The following SLC12A4 variants were observed in gnomAD, a reference collection of about 807,000 sequenced individuals.
SLC12A4 encodes the protein electroneutral potassium-chloride cotransporter 1.
A neutral mutation model predicts 119.2 loss-of-function variants in SLC12A4; 84 were observed. That is an observed-to-expected ratio of 0.70 (90% CI 0.59 to 0.85). The LOEUF (loss-of-function observed/expected upper bound fraction) is 0.85. Ranked by LOEUF, SLC12A4 falls within the 40% of genes least tolerant of loss-of-function variation. The probability of loss-of-function intolerance (pLI) is 0.00; values close to 1 mark genes in which losing one functional copy is unlikely to be tolerated. For missense variants in SLC12A4, 1,298 were observed against 1,476.3 expected, an observed-to-expected ratio of 0.88 and a Z score of 1.98; for synonymous variants, 599 against 604.6, an observed-to-expected ratio of 0.99 and a Z score of 0.14.
rs757941591 is a variant in SLC12A4 at position 67,951,343 on chromosome 16, A to C, written c.1133-39T>G. ...TGTGTCACCACCACAGCTGCCCCCC[A>C]CTACCCCAGGTAGTTTGGGGCAGCC... On this transcript the variant is annotated intron_variant, in intron 8 of 23. Coordinates refer to ENST00000316341, the MANE Select transcript of SLC12A4 (RefSeq NM_005072.5). The surrounding 1 kb of genome is among the most constrained non-coding windows in gnomAD (Gnocchi z 5.2). 1 of 1,592,922 alleles carries C rather than the reference A, an allele frequency of 6.3e-7. No individual in the cohort carries two copies. Among genetic ancestry groups the C allele is most frequent in the African/African-American group, 1.3e-5 (1 of 74,392 alleles).
rs200452593 is a variant in SLC12A4 at position 67,949,908 on chromosome 16, T to A, written c.1640A>T (p.His547Leu). Reference sequence around the variant, plus strand: ...TGTGGGTTCACCATTCACCTTCCCGTGGCCAAACACCTGTGTGCACCAGGA... The same window carrying A: ...TGTGGGTTCACCATTCACCTTCCCGAGGCCAAACACCTGTGTGCACCAGGA... ...NIIPFLRVFGHGKVNGEPTWA... is the reference protein window; with the variant it reads ...NIIPFLRVFGLGKVNGEPTWA... The change falls in exon 13 of 24, where the codon CAC becomes CTC. Residue 547 changes from histidine to leucine, a missense_variant. By Grantham distance (99) the His-to-Leu change is moderately conservative. Transcript: ENST00000316341. The surrounding 1 kb of genome is among the most constrained non-coding windows in gnomAD (Gnocchi z 4.6). 3 of 1,611,860 alleles carry A rather than the reference T, an allele frequency of 1.9e-6. No homozygotes were observed. Among genetic ancestry groups the A allele is most frequent in the Non-Finnish European group, 2.5e-6 (3 of 1,178,606 alleles).
chr16:67,948,136 A>G lies in SLC12A4; in HGVS notation c.1772T>C (p.Phe591Ser). The G allele has an allele frequency of 6.2e-7, 1 of 1,613,264 alleles. No individual in the cohort carries two copies. ...LSMFFLMCYL[F>S]VNLACAVQTL... ...CTGCACCGCACAGGCGAGGTTCACG[A>G]ACAGGTAGCACATCAGAAAGAACCT... The change falls in exon 14 of 24, where the codon TTC (phenylalanine) becomes TCC (serine). Residue 591 changes from phenylalanine (F) to serine (S), a missense_variant. Transcript: ENST00000316341.
chr16:67,950,211 G>T lies in SLC12A4; in HGVS notation c.1629+108C>A. 1 of 1,326,904 alleles carries T rather than the reference G, an allele frequency of 7.5e-7. No homozygotes were observed. The highest frequency in any genetic ancestry group is 1.0e-6 in the Non-Finnish European group (1 of 971,364). The allele number at this position is 1,326,904 out of a possible 1,614,324, so 82.2% of individuals were successfully genotyped here. A position where few individuals can be genotyped will look rare whatever the true frequency, so the allele number is the denominator to read the frequency against. On this transcript the variant is annotated intron_variant, in intron 12 of 23. Transcript: ENST00000316341. This position sits in a 1 kb window ranked among gnomAD's most constrained non-coding sequence, Gnocchi z 4.3. The stretch of plus-strand genomic sequence containing the variant: ...TCCTCATGGATGGCCGCCTGGCCCC[G>T]GGGGCCAATAAGGGCAGGACGTGCT...
chr16:67,946,649 C>G lies in SLC12A4; in HGVS notation c.2242-16G>C. 1 of 1,598,920 alleles carries G rather than the reference C, an allele frequency of 6.3e-7. No individual in the cohort carries two copies. The highest frequency in any genetic ancestry group is 8.6e-7 in the Non-Finnish European group (1 of 1,169,282). On this transcript the variant is annotated splice_polypyrimidine_tract_variant and intron_variant, in intron 17 of 23. Coordinates refer to ENST00000316341, the MANE Select transcript of SLC12A4 (RefSeq NM_005072.5). ...TCTTGATGGTCTGTGGGGAACACAC[C>G]CAGGGCCAATGGGAGGCCATCAGCT...
Position 67,952,421 on chromosome 16 carries a change from T to G in SLC12A4, c.680A>C (p.Tyr227Ser), listed in dbSNP as rs1275133574. The change falls in exon 7 of 24, where the codon TAC becomes TCC. Residue 227 changes from tyrosine (Y) to serine (S), a missense_variant. Physicochemically the swap from Tyr to Ser is moderately radical, Grantham distance 144. Transcript: ENST00000316341. ...ILGAIEILLTYIAPPAAIFYP... is the reference protein window; with the variant it reads ...ILGAIEILLTSIAPPAAIFYP... ...AAAAATGGCAGCTGGTGGGGCAATG[T>G]AGGTCTGAAACAAGAAGATGGATAA... is the stretch of plus-strand genomic sequence containing the variant. The G allele has an allele frequency of 6.2e-7, 1 of 1,614,086 alleles. No homozygotes were observed. The highest frequency in any genetic ancestry group is 1.1e-5 in the South Asian group (1 of 91,090).
chr16:67,953,577 A>G, intron 6 of SLC12A4, among the ~76,000 whole-genome samples: 1 of 152,206 alleles, frequency 6.6e-6, no homozygotes, highest in East Asian at 1.9e-4. Flanking sequence ...TCTTGGGATG[A>G]TGAAAATGTT....
At chr16:67,954,345 G>A in intron 6 of SLC12A4, 1 of 431,098 alleles carries the variant, frequency 2.3e-6, no homozygotes, top group South Asian at 2.4e-5. Flanking sequence ...ATCTGTCACT[G>A]AGCTGAATAC....
In SLC12A4 at chr16:67,943,994, G is replaced by A; in HGVS notation, c.*846C>T. 4 of 1,548,582 alleles carry A rather than the reference G, an allele frequency of 2.6e-6. No individual in the cohort carries two copies. Among genetic ancestry groups the A allele is most frequent in the Non-Finnish European group, 3.5e-6 (4 of 1,145,828 alleles). On this transcript the variant is annotated 3_prime_UTR_variant, in exon 24 of 24. Coordinates refer to ENST00000316341, the MANE Select transcript of SLC12A4 (RefSeq NM_005072.5). This position sits in a 1 kb window ranked among gnomAD's most constrained non-coding sequence, Gnocchi z 4.6. Reference sequence around the variant, plus strand: ...GGTTACTGAGCTCAGCCTTGGGCGTGGTGTGCGGGGGGAAGAGCACATTGA... The same window carrying A: ...GGTTACTGAGCTCAGCCTTGGGCGTAGTGTGCGGGGGGAAGAGCACATTGA...
chr16:67,946,795 TC>T, intron 17 of SLC12A4, 141 bp downstream of exon 17: 2 of 1,230,978 alleles, frequency 1.6e-6, no homozygotes, highest in Non-Finnish European at 1.1e-6. Context: ...GACTGCTGGC[TC>T]CCCCTTGTGC....
intron 5 of SLC12A4, chr16:67,957,418 C>CGTA: frequency 3.3e-5 from 9 of 275,782 alleles, no homozygotes; most frequent in Non-Finnish European, 5.7e-5. Flanking sequence ...ATCCACCCAC[C>CGTA]TCGGCCTCCC....
intron 15 of SLC12A4, 22 bp from the exon 16 acceptor site, chr16:67,947,457 G>A (rs1203549804): frequency 1.9e-6 from 3 of 1,606,526 alleles, no homozygotes; most frequent in Non-Finnish European, 2.6e-6. Context: ...ACCACAGCTG[G>A]TGAGCCCCTG....
At chr16:67,961,431 G>T in intron 3 of SLC12A4, 144 bp downstream of exon 3, 3 of 1,228,580 alleles carry the variant, frequency 2.4e-6, no homozygotes, top group Non-Finnish European at 3.4e-6. Flanking sequence ...CTGAGACAAG[G>T]CATTCAGTGC....
chr16:67,945,013 C>G (rs930249881), intron 23 of SLC12A4, 74 bp downstream of exon 23: 3 of 1,603,198 alleles, frequency 1.9e-6, no homozygotes, highest in East Asian at 4.5e-5. Flanking sequence ...CCAGGGGTGC[C>G]CAGGAGAGAA....
At chr16:67,945,667 T>C in intron 21 of SLC12A4, 97 bp downstream of exon 21, 1 of 1,496,550 alleles carries the variant, frequency 6.7e-7, no homozygotes, top group Non-Finnish European at 9.1e-7. Flanking sequence ...TGGGTAGGGC[T>C]GCGGTGAGTC....
Position 67,944,849 on chromosome 16 carries a change from G to A in SLC12A4, c.3249C>T (p.Ile1083=). The change falls in exon 24 of 24, where the codon ATC becomes ATT. Residue 1083 remains isoleucine, a synonymous_variant. Transcript: ENST00000316341. This position sits in a 1 kb window ranked among gnomAD's most constrained non-coding sequence, Gnocchi z 6.6. ...VRGGGREVIT[I]YS The stretch of plus-strand genomic sequence containing the variant: ...CAAGATGACACTGGGCTCAGGAGTA[G>A]ATGGTGATGACTTCACGGCCACCAC... 2 of 1,613,140 alleles carry A rather than the reference G, an allele frequency of 1.2e-6. No individual in the cohort carries two copies. The highest frequency in any genetic ancestry group is 3.3e-4 in the Middle Eastern group (2 of 6,062).
rs766645179 is a variant in SLC12A4, at chr16:67,946,204, G to A, written c.2574C>T (p.Leu858=). The stretch of plus-strand genomic sequence containing the variant: ...GGCGCAGCAGGAAGGGCAGAAGCAT[G>A]AGCATGCCACCATCGTGCACGATCC... The part of the protein sequence containing the change: ...VWWIVHDGGM[L]MLLPFLLRQH... The change falls in exon 19 of 24, where the codon CTC becomes CTT. Residue 858 remains leucine, a synonymous_variant. Transcript: ENST00000316341. 7 of 1,613,940 alleles carry A rather than the reference G, an allele frequency of 4.3e-6. No individual in the cohort carries two copies. The highest frequency in any genetic ancestry group is 2.2e-5 in the South Asian group (2 of 91,090).
chr16:67,954,864 G>T, intron 5 of SLC12A4, 91 bp from the exon 6 acceptor site: 1 of 1,506,828 alleles, frequency 6.6e-7, no homozygotes, highest in Non-Finnish European at 9.1e-7. Context: ...CACCCAGAGG[G>T]ACAGGGACTG....
In SLC12A4 at chr16:67,946,515, C is replaced by T. The variant is rs770863571; in HGVS notation, c.2360G>A (p.Arg787Gln). 7.5e-6 allele frequency: 12 copies of T among 1,610,190 alleles called. No individual in the cohort carries two copies. The highest frequency in any genetic ancestry group is 1.7e-4 in the Middle Eastern group (1 of 6,060). Residue 787 changes from arginine (R) to glutamine (Q), a missense_variant, in exon 18 of 24, where the codon CGG becomes CAG. Coordinates refer to ENST00000316341, the MANE Select transcript of SLC12A4 (RefSeq NM_005072.5). ...CCAGCCCAGCACCACGGAGTTATGC[C>T]GCATGCCTCCCAGGCCACAGGACTG... ...LIQSCGLGGM[R>Q]HNSVVLGWPY...
chr16:67,946,707 G>A (rs943963440), intron 17 of SLC12A4, 74 bp from the exon 18 acceptor site: 71 of 1,519,852 alleles, frequency 4.7e-5, no homozygotes, highest in Admixed American at 3.4e-4. Flanking sequence ...AAGGCCCCTC[G>A]GGAACAAAAC....
Sources: allele counts gnomAD v4.1 joint callset (sites outside exome capture counted in the v4.1 genomes callset), GRCh38; gene constraint gnomAD v4.1.1; non-coding constraint Gnocchi (gnomAD v3.1); transcripts MANE v1.5; gene names NCBI Gene and HGNC (gene_info 2026-07-23, HGNC 2026-07-21).